GLI2: variants seen among roughly 807,000 people sequenced by gnomAD.
GLI2 encodes the protein transcription activator GLI2.
A neutral mutation model predicts 78.9 loss-of-function variants in GLI2; 22 were observed. That is an observed-to-expected ratio of 0.28 (90% CI 0.20 to 0.40). The LOEUF (loss-of-function observed/expected upper bound fraction) is 0.40, where lower values mean the gene tolerates loss of function less well. GLI2 is among the 10% of genes least tolerant of loss of function. GLI2 has a pLI of 1.00. For synonymous variants in GLI2, 974 were observed against 963.7 expected (o/e 1.01, Z -0.20); for missense variants, 2,097 against 2,213.2 (o/e 0.95, Z 1.05).
intron 1 of GLI2, among the ~76,000 whole-genome samples, chr2:120,752,405 G>A (rs1197385747): frequency 2.6e-5 from 4 of 151,740 alleles, no homozygotes; most frequent in African/African-American, 9.7e-5. Context: ...CGAGTAGCTG[G>A]ACCACAGGCA....
intron 1 of GLI2, among the ~76,000 whole-genome samples, chr2:120,788,263 G>A (rs976249424): frequency 6.6e-6 from 1 of 152,218 alleles, no homozygotes; most frequent in Non-Finnish European, 1.5e-5. Context: ...CACAGGTGGT[G>A]TCAAAGTTCA....
At chr2:120,837,140 A>G (rs1686649818) in intron 2 of GLI2, among the ~76,000 whole-genome samples, 2 of 152,100 alleles carry the variant, frequency 1.3e-5, no homozygotes, top group African/African-American at 4.8e-5. Context: ...CACGCCTGTA[A>G]TCCCAGCACT....
rs1682665051 is a variant in GLI2, at chr2:120,745,398, A to T, written c.-31+9113A>T. ...AAGGGCCTACCTTGTGGACACCTTT[A>T]TGGTCCCTAAGAAAAGTAGGAAGGA... On this transcript the variant is annotated intron_variant, in intron 1 of 13. Transcript: ENST00000361492. Among the ~76,000 whole-genome samples the T allele has an allele frequency of 2.6e-5, 4 of 152,276 alleles. No homozygotes were observed. In the South Asian group the frequency reaches 8.3e-4, roughly 32 times the overall value.
intron 2 of GLI2, among the ~76,000 whole-genome samples, chr2:120,898,553 G>A (rs751052466): frequency 2.0e-5 from 3 of 152,018 alleles, no homozygotes; most frequent in Admixed American, 6.6e-5. Context: ...CTATGGGCTC[G>A]ACACTTTACA....
At position 120,945,341 on chromosome 2, in the gene GLI2, T is replaced by C. The variant is rs575288165; in HGVS notation, c.255-5902T>C. Among the ~76,000 whole-genome samples the C allele has an allele frequency of 1.1e-3, 166 of 152,322 alleles. 2 individuals carry two copies. The South Asian group carries it at 0.033, about 30-fold the overall frequency. On this transcript the variant is annotated intron_variant, in intron 3 of 13. Coordinates refer to ENST00000361492, the MANE Select transcript of GLI2 (RefSeq NM_001374353.1). ...AAGGGGCTTTGGTTGGTTGTCCTACTTACCCAGAGTCCCCTGCTTGTGCCT... is the reference window on the plus strand; with the variant it reads ...AAGGGGCTTTGGTTGGTTGTCCTACCTACCCAGAGTCCCCTGCTTGTGCCT...
intron 2 of GLI2, among the ~76,000 whole-genome samples, chr2:120,820,449 G>A (rs942740199): frequency 6.6e-6 from 1 of 152,216 alleles, no homozygotes; most frequent in Non-Finnish European, 1.5e-5. Flanking sequence ...AGGCAGTAAC[G>A]TCAGAGGCTG....
At chr2:120,867,741 A>C (rs1397141405) in intron 2 of GLI2, among the ~76,000 whole-genome samples, 1 of 152,138 alleles carries the variant, frequency 6.6e-6, no homozygotes, top group Non-Finnish European at 1.5e-5. Context: ...CCAAGTTTGA[A>C]GCCAGCAAGC....
intron 2 of GLI2, among the ~76,000 whole-genome samples, chr2:120,803,941 A>G (rs1259927520): frequency 6.6e-6 from 1 of 152,130 alleles, no homozygotes; most frequent in Non-Finnish European, 1.5e-5. Flanking sequence ...GGCTGTGACC[A>G]GGCTAGCATA....
chr2:120,866,796 G>A (rs1407669723), intron 2 of GLI2: 2 of 152,232 alleles, frequency 1.3e-5, no homozygotes, highest in Non-Finnish European at 1.5e-5. Flanking sequence ...CACTCCCTGC[G>A]GAAGGGAAAA....
At chr2:120,754,145 T>C (rs1682969243) in intron 1 of GLI2, among the ~76,000 whole-genome samples, 1 of 152,152 alleles carries the variant, frequency 6.6e-6, no homozygotes, top group Non-Finnish European at 1.5e-5. Flanking sequence ...TGGGTGTTTT[T>C]GTACTTTAGA....
intron 8 of GLI2, among the ~76,000 whole-genome samples, chr2:120,973,793 ATCAGG>A (rs1263696953): frequency 6.6e-6 from 1 of 152,180 alleles, no homozygotes; most frequent in African/African-American, 2.4e-5. Flanking sequence ...TTGAGAAACA[ATCAGG>A]AACCCTTCTC....
chr2:120,849,461 C>CATG (rs1256036490), intron 2 of GLI2, among the ~76,000 whole-genome samples: 5 of 151,448 alleles, frequency 3.3e-5, no homozygotes, highest in Non-Finnish European at 7.4e-5. Context: ...TGATGATGAT[C>CATG]ATGATGATGA....
intron 1 of GLI2, among the ~76,000 whole-genome samples, chr2:120,795,768 G>A (rs772761162): frequency 2.0e-5 from 3 of 152,002 alleles, no homozygotes; most frequent in Admixed American, 6.6e-5. Context: ...ACATGTGACC[G>A]GCCAGGTGCG....
intron 2 of GLI2, among the ~76,000 whole-genome samples, chr2:120,890,510 C>T (rs1278725833): frequency 6.6e-6 from 1 of 151,916 alleles, no homozygotes; most frequent in African/African-American, 2.4e-5. Context: ...TACCTGCGTG[C>T]AAGTAAAACT....
chr2:120,960,219 A>T (rs1259259528), intron 5 of GLI2, among the ~76,000 whole-genome samples: 3 of 152,138 alleles, frequency 2.0e-5, no homozygotes, highest in Non-Finnish European at 4.4e-5. Flanking sequence ...CCTGGGCGGG[A>T]CCAAGAATGC....
At chr2:120,771,047 G>A (rs561879253) in intron 1 of GLI2, among the ~76,000 whole-genome samples, 17 of 152,354 alleles carry the variant, frequency 1.1e-4, no homozygotes, top group South Asian at 2.1e-4. Context: ...CTGTGGCAGC[G>A]AATCAGAGAC....
intron 1 of GLI2, among the ~76,000 whole-genome samples, chr2:120,758,355 C>T (rs1683099700): frequency 6.6e-6 from 1 of 152,248 alleles, no homozygotes; most frequent in Admixed American, 6.5e-5. Context: ...CAAAGGCACT[C>T]TTCCATGATG....
intron 2 of GLI2, among the ~76,000 whole-genome samples, chr2:120,916,243 T>C (rs1439532715): frequency 1.3e-5 from 2 of 152,256 alleles, no homozygotes; most frequent in African/African-American, 4.8e-5. Flanking sequence ...TATTACATCA[T>C]GTGTTCCTCT....
chr2:120,813,738 A>C (rs1685368021), intron 2 of GLI2, among the ~76,000 whole-genome samples: 1 of 152,136 alleles, frequency 6.6e-6, no homozygotes, highest in African/African-American at 2.4e-5. Flanking sequence ...CAAGACAAGT[A>C]GGGAAGATGG....
Sources: allele counts gnomAD v4.1 joint callset (sites outside exome capture counted in the v4.1 genomes callset), GRCh38; gene constraint gnomAD v4.1.1; transcripts MANE v1.5; gene names NCBI Gene and HGNC (gene_info 2026-07-23, HGNC 2026-07-21).